The following CIMIP6 variants were observed in gnomAD, a reference collection of about 807,000 sequenced individuals.
CIMIP6 encodes the protein ciliary microtubule inner protein 6, also known as uncharacterized protein C2orf73.
the CIMIP6 span, among the ~76,000 whole-genome samples, chr2:54,334,407 G>A: frequency 6.6e-6 from 1 of 152,146 alleles, no homozygotes; most frequent in African/African-American, 2.4e-5. Flanking sequence ...CCAGATAGCT[G>A]TTTACTAGGT....
chr2:54,340,270 C>A, the CIMIP6 span, among the ~76,000 whole-genome samples: 1 of 17,194 alleles, frequency 5.8e-5, no homozygotes, highest in African/African-American at 1.8e-4. Flanking sequence ...TAGGTAACTT[C>A]CCAGCTTATT....
At chr2:54,342,841 A>G in the CIMIP6 span, among the ~76,000 whole-genome samples, 1 of 152,180 alleles carries the variant, frequency 6.6e-6, no homozygotes, top group Non-Finnish European at 1.5e-5. Flanking sequence ...ACTGTATTCC[A>G]GGAACTCCTA....
the CIMIP6 span, chr2:54,343,768 C>A: frequency 6.2e-7 from 1 of 1,612,542 alleles, no homozygotes; most frequent in African/African-American, 1.3e-5. Flanking sequence ...CTTCCTACCA[C>A]CTTACGACTC....
chr2:54,365,526 C>G, the CIMIP6 span, among the ~76,000 whole-genome samples: 1 of 152,098 alleles, frequency 6.6e-6, no homozygotes, highest in Non-Finnish European at 1.5e-5. Context: ...TAAAATGACT[C>G]AAGACATAAG....
chr2:54,356,011 T>G, the CIMIP6 span, among the ~76,000 whole-genome samples: 2 of 152,322 alleles, frequency 1.3e-5, no homozygotes, highest in Admixed American at 6.5e-5. Context: ...CCCACTAAAT[T>G]TGAGGAAAGA....
the CIMIP6 span, among the ~76,000 whole-genome samples, chr2:54,332,434 CAATA>C: frequency 8.5e-5 from 13 of 152,228 alleles, no homozygotes; most frequent in Admixed American, 3.9e-4. Context: ...GCACGCAACT[CAATA>C]AATATCTGTT....
At chr2:54,381,748 T>C in the CIMIP6 span, 2 of 1,409,786 alleles carry the variant, frequency 1.4e-6, no homozygotes, top group South Asian at 1.7e-5. Flanking sequence ...TTTTCCATCA[T>C]GGGCACATTT....
At chr2:54,353,677 G>T in the CIMIP6 span, among the ~76,000 whole-genome samples, 1 of 152,118 alleles carries the variant, frequency 6.6e-6, no homozygotes, top group Admixed American at 6.5e-5. Context: ...TAAAAAAGTT[G>T]ATTTTGATGA....
the CIMIP6 span, chr2:54,381,737 C>T: frequency 7.2e-7 from 1 of 1,392,828 alleles, no homozygotes; most frequent in Admixed American, 3.4e-5. Flanking sequence ...GCTTGAATGA[C>T]TTTTCCATCA....
chr2:54,344,858 G>A, the CIMIP6 span, among the ~76,000 whole-genome samples: 1 of 152,252 alleles, frequency 6.6e-6, no homozygotes, highest in Admixed American at 6.5e-5. Context: ...AAGCAAAACA[G>A]AAGATCTGTT....
the CIMIP6 span, among the ~76,000 whole-genome samples, chr2:54,382,257 T>C: frequency 6.6e-6 from 1 of 152,176 alleles, no homozygotes; most frequent in Non-Finnish European, 1.5e-5. Context: ...CAAAGAGCTC[T>C]AAGAGTAAAT....
At chr2:54,372,466 T>C in the CIMIP6 span, among the ~76,000 whole-genome samples, 1 of 152,194 alleles carries the variant, frequency 6.6e-6, no homozygotes, top group East Asian at 1.9e-4. Flanking sequence ...GTGGAGTCTG[T>C]GTCCCCTCTG....
chr2:54,352,602 A>G, the CIMIP6 span, among the ~76,000 whole-genome samples: 1,517 of 152,302 alleles, frequency 1.0e-2, 27 homozygotes, highest in African/African-American at 0.035. Context: ...AGAGTACAAT[A>G]CATTAACTAT....
chr2:54,379,315 A>G, the CIMIP6 span, among the ~76,000 whole-genome samples: 1 of 152,146 alleles, frequency 6.6e-6, no homozygotes, highest in East Asian at 1.9e-4. Context: ...TCTGGGAAGC[A>G]TTTCACATTT....
the CIMIP6 span, among the ~76,000 whole-genome samples, chr2:54,373,571 G>C: frequency 1.3e-5 from 2 of 152,102 alleles, no homozygotes; most frequent in African/African-American, 4.8e-5. Context: ...GCTTCTAGGA[G>C]CTCCTCTGCT....
At chr2:54,377,526 A>T in the CIMIP6 span, among the ~76,000 whole-genome samples, 12,254 of 152,238 alleles carry the variant, frequency 0.08, 649 homozygotes, top group African/African-American at 0.13. Context: ...GCTGGTTGTA[A>T]AACCTAACAA....
chr2:54,331,564 C>T, the CIMIP6 span, among the ~76,000 whole-genome samples: 1 of 152,114 alleles, frequency 6.6e-6, no homozygotes, highest in African/African-American at 2.4e-5. Flanking sequence ...TCTTGCCTCC[C>T]TCTGACAGGA....
the CIMIP6 span, among the ~76,000 whole-genome samples, chr2:54,359,817 G>A: frequency 2.0e-5 from 3 of 151,926 alleles, no homozygotes; most frequent in African/African-American, 7.3e-5. Context: ...TAGGCATTTG[G>A]GATGCAATCA....
the CIMIP6 span, among the ~76,000 whole-genome samples, chr2:54,371,570 T>C: frequency 2.0e-5 from 3 of 152,238 alleles, no homozygotes; most frequent in Non-Finnish European, 4.4e-5. Context: ...TCTGGAGTTT[T>C]CCAGCAGGGA....
Sources: allele counts gnomAD v4.1 joint callset (sites outside exome capture counted in the v4.1 genomes callset), GRCh38; gene constraint gnomAD v4.1.1; transcripts MANE v1.5; gene names NCBI Gene and HGNC (gene_info 2026-07-23, HGNC 2026-07-21).